The following ZNF385B variants were observed in gnomAD, a reference collection of about 807,000 sequenced individuals.
The protein encoded by ZNF385B is zinc finger protein 385B.
ZNF385B carries 23 observed loss-of-function variants against 39.2 expected under a neutral mutation model. That is an observed-to-expected ratio of 0.59 (90% confidence interval 0.42 to 0.83). The LOEUF is 0.83. ZNF385B is among the 40% of genes least tolerant of loss of function. The probability of loss-of-function intolerance (pLI) is 0.00; values close to 1 mark genes in which losing one functional copy is unlikely to be tolerated. For missense variants in ZNF385B, 552 were observed against 598.9 expected, an observed-to-expected ratio of 0.92 and a Z score of 0.82; for synonymous variants, 205 against 222.6, an observed-to-expected ratio of 0.92 and a Z score of 0.70.
At chr2:179,663,461 A>T (rs1303098758) in intron 3 of ZNF385B, among the ~76,000 whole-genome samples, 1 of 152,204 alleles carries the variant, frequency 6.6e-6, no homozygotes, top group Non-Finnish European at 1.5e-5. Flanking sequence ...CTGTAATCCC[A>T]GCACTTTGGG....
intron 3 of ZNF385B, among the ~76,000 whole-genome samples, chr2:179,665,394 G>C (rs989488820): frequency 6.6e-6 from 1 of 152,124 alleles, no homozygotes; most frequent in African/African-American, 2.4e-5. Context: ...CTCAGAGACT[G>C]GCTTACATGC....
intron 3 of ZNF385B, among the ~76,000 whole-genome samples, chr2:179,663,569 G>T (rs139165798): frequency 0.04 from 6,067 of 152,084 alleles, 163 homozygotes; most frequent in Middle Eastern, 0.058. Context: ...AATTAGACGG[G>T]CGTGGTGGCG....
chr2:179,528,836 C>T (rs2059086876), intron 4 of ZNF385B, among the ~76,000 whole-genome samples: 1 of 152,176 alleles, frequency 6.6e-6, no homozygotes, highest in Non-Finnish European at 1.5e-5. Flanking sequence ...TTAAAATGTT[C>T]CATTTTCCTG....
chr2:179,544,930 C>T lies in ZNF385B; in HGVS notation c.338G>A (p.Arg113His), dbSNP rs753184978. The T allele has an allele frequency of 1.9e-5, 31 of 1,613,878 alleles. No individual in the cohort carries two copies. Among genetic ancestry groups the T allele is most frequent in the African/African-American group, 2.7e-5 (2 of 74,906 alleles). ...AGGCTGCATCATCAGGGTAGGTGTG[C>T]GCACAAGAGCAGGAAGGGTAGTAGT... ...CHTTTLPALV[R>H]TPTLMMQPSL... Residue 113 changes from arginine to histidine, a missense_variant, in exon 4 of 10, where the codon CGC becomes CAC. Transcript: ENST00000410066.
intron 1 of ZNF385B, among the ~76,000 whole-genome samples, chr2:179,805,808 C>T (rs1281585427): frequency 6.6e-6 from 1 of 152,120 alleles, no homozygotes; most frequent in African/African-American, 2.4e-5. Context: ...GACACAGTAA[C>T]AAAGGCAGTG....
At chr2:179,689,420 T>C (rs1200910970) in intron 3 of ZNF385B, among the ~76,000 whole-genome samples, 3 of 152,176 alleles carry the variant, frequency 2.0e-5, no homozygotes, top group Non-Finnish European at 4.4e-5. Flanking sequence ...AGTCCAGTAT[T>C]GGGCTAACAT....
intron 3 of ZNF385B, among the ~76,000 whole-genome samples, chr2:179,561,359 A>G (rs1330625866): frequency 6.6e-6 from 1 of 152,190 alleles, no homozygotes; most frequent in Non-Finnish European, 1.5e-5. Flanking sequence ...GAGGTCACAC[A>G]TCAGTGTCTC....
chr2:179,487,145 G>A (rs1169292050), intron 5 of ZNF385B, among the ~76,000 whole-genome samples: 4 of 152,208 alleles, frequency 2.6e-5, no homozygotes, highest in South Asian at 2.1e-4. Flanking sequence ...CATCAGTGCC[G>A]AAAGTTAACA....
chr2:179,665,500 C>T lies in ZNF385B; in HGVS notation c.298+104003G>A, dbSNP rs536767592. Among the ~76,000 whole-genome samples, 47 of 152,250 alleles carry T rather than the reference C, an allele frequency of 3.1e-4. No individual in the cohort carries two copies. The Middle Eastern group carries it at 0.01, about 33-fold the overall frequency. The stretch of plus-strand genomic sequence containing the variant: ...ACTTGGACAAAGGCAATAATTTATA[C>T]GTTTGGAAGCTGCGGCTCCCCAGAA... On this transcript the variant is annotated intron_variant, in intron 3 of 9. Transcript: ENST00000410066.
intron 3 of ZNF385B, among the ~76,000 whole-genome samples, chr2:179,753,218 A>G (rs577361574): frequency 1.1e-4 from 17 of 152,180 alleles, no homozygotes; most frequent in African/African-American, 4.1e-4. Flanking sequence ...TGTTTTTGTC[A>G]GGTTTGTCAA....
At chr2:179,604,539 G>T (rs1474016769) in intron 3 of ZNF385B, among the ~76,000 whole-genome samples, 1 of 151,992 alleles carries the variant, frequency 6.6e-6, no homozygotes, top group Non-Finnish European at 1.5e-5. Flanking sequence ...AAATATTTAT[G>T]TTGGTAATCT....
chr2:179,445,583 A>G lies in ZNF385B; in HGVS notation c.1107T>C (p.Asp369=), dbSNP rs983280153. Residue 369 remains aspartate, a synonymous_variant, in exon 8 of 10, where the codon GAT becomes GAC. Coordinates refer to ENST00000410066, the MANE Select transcript of ZNF385B (RefSeq NM_152520.6). ...QNKTFHCEIC[D]VHVNSEIQLK... The stretch of plus-strand genomic sequence containing the variant: ...GTTGAATTTCTGAATTAACATGAAC[A>G]TCACAGATTTCACAATGAAATGTCT... The G allele has an allele frequency of 1.9e-6, 3 of 1,611,932 alleles. No individual in the cohort carries two copies. Among genetic ancestry groups the G allele is most frequent in the East Asian group, 4.5e-5 (2 of 44,840 alleles).
At position 179,746,928 on chromosome 2, in the gene ZNF385B, T is replaced by TA. The variant is rs1440057389; in HGVS notation, c.298+22574dup. Among the ~76,000 whole-genome samples the TA allele has an allele frequency of 2.0e-5, 3 of 152,124 alleles. No homozygotes were observed. The East Asian group carries it at 5.8e-4, about 29-fold the overall frequency. On this transcript the variant is annotated intron_variant, in intron 3 of 9. Coordinates refer to ENST00000410066, the MANE Select transcript of ZNF385B (RefSeq NM_152520.6). ...AGCAAAAAAGAAATAAAATGTTTAT[T>TA]AAAAATCACAAAAGTAAACTGGAAG...
intron 5 of ZNF385B, among the ~76,000 whole-genome samples, chr2:179,487,692 A>G (rs1281028783): frequency 6.6e-6 from 1 of 152,246 alleles, no homozygotes; most frequent in East Asian, 1.9e-4. Flanking sequence ...ATGAGTAATT[A>G]GCAGACACAT....
chr2:179,723,857 C>T (rs1700841862), intron 3 of ZNF385B, among the ~76,000 whole-genome samples: 2 of 151,934 alleles, frequency 1.3e-5, no homozygotes, highest in Middle Eastern at 3.2e-3. Context: ...ACTAATTAGG[C>T]TAAGTTTCTT....
intron 4 of ZNF385B, among the ~76,000 whole-genome samples, chr2:179,539,994 T>C (rs940963364): frequency 6.6e-6 from 1 of 152,172 alleles, no homozygotes; most frequent in Admixed American, 6.5e-5. Context: ...TAAAACTCAG[T>C]AACTAACAAT....
intron 3 of ZNF385B, among the ~76,000 whole-genome samples, chr2:179,652,245 A>T (rs1293786906): frequency 6.6e-6 from 1 of 152,186 alleles, no homozygotes; most frequent in African/African-American, 2.4e-5. Flanking sequence ...AGTTTCAATG[A>T]GTATGGTTCT....
intron 1 of ZNF385B, among the ~76,000 whole-genome samples, chr2:179,828,903 A>C (rs1190445780): frequency 6.6e-6 from 1 of 152,144 alleles, no homozygotes; most frequent in African/African-American, 2.4e-5. Flanking sequence ...TTGTTAGCCA[A>C]GTACAGTGAT....
intron 3 of ZNF385B, among the ~76,000 whole-genome samples, chr2:179,618,804 GA>G (rs1689970086): frequency 2.0e-5 from 3 of 152,114 alleles, no homozygotes; most frequent in Admixed American, 2.0e-4. Context: ...TGCCAGTAGT[GA>G]CAAGGTACCT....
Sources: gnomAD v4.1 joint callset for allele counts (sites outside exome capture counted in the v4.1 genomes callset) on GRCh38, gnomAD v4.1.1 for gene constraint, MANE v1.5 for transcripts, NCBI Gene and HGNC (gene_info 2026-07-23, HGNC 2026-07-21) for gene names.